ZBTB20: variants seen among roughly 807,000 people sequenced by gnomAD.
ZBTB20 encodes the protein zinc finger and BTB domain-containing protein 20.
ZBTB20 carries 9 observed loss-of-function variants against 56.9 expected under a neutral mutation model. The ratio of observed to expected loss-of-function variants is 0.16; its 90% CI spans 0.10 to 0.28. The LOEUF (loss-of-function observed/expected upper bound fraction) is 0.28. ZBTB20 is among the 10% of genes least tolerant of loss of function. ZBTB20 has a pLI of 1.00. For missense variants in ZBTB20, 655 were observed against 1,003.0 expected, an observed-to-expected ratio of 0.65 and a Z score of 4.69; for synonymous variants, 417 against 420.7, an observed-to-expected ratio of 0.99 and a Z score of 0.11.
At chr3:114,910,917 C>G (rs1232383607) in intron 3 of ZBTB20, among the ~76,000 whole-genome samples, 1 of 151,952 alleles carries the variant, frequency 6.6e-6, no homozygotes, top group Non-Finnish European at 1.5e-5. Flanking sequence ...CTATGATGTT[C>G]CCAAGTGTTG....
intron 2 of ZBTB20, among the ~76,000 whole-genome samples, chr3:115,017,219 G>A (rs556016713): frequency 1.3e-4 from 20 of 151,416 alleles, no homozygotes; most frequent in South Asian, 4.2e-4. Flanking sequence ...AGTCGCTAGC[G>A]TTCCTATACA....
intron 5 of ZBTB20, among the ~76,000 whole-genome samples, chr3:114,709,607 G>A (rs1306485110): frequency 6.6e-6 from 1 of 152,080 alleles, no homozygotes; most frequent in Non-Finnish European, 1.5e-5. Context: ...CAAATGTTCT[G>A]GAATAGGCTG....
intron 7 of ZBTB20, among the ~76,000 whole-genome samples, chr3:114,466,867 T>C (rs908080467): frequency 1.3e-5 from 2 of 152,178 alleles, no homozygotes; most frequent in African/African-American, 2.4e-5. Context: ...TAAAACACGA[T>C]GCAAATAAGT....
intron 2 of ZBTB20, among the ~76,000 whole-genome samples, chr3:115,041,193 A>G (rs899315089): frequency 6.6e-5 from 10 of 152,182 alleles, no homozygotes; most frequent in African/African-American, 2.4e-4. Context: ...ATAATAATAC[A>G]TATATGTGTA....
intron 6 of ZBTB20, among the ~76,000 whole-genome samples, chr3:114,578,791 TA>T (rs1425108885): frequency 6.6e-6 from 1 of 151,318 alleles, no homozygotes; most frequent in Non-Finnish European, 1.5e-5. Flanking sequence ...AAATAATTAC[TA>T]AAAAAAAGTA....
At chr3:114,749,675 C>T (rs952109352) in intron 5 of ZBTB20, among the ~76,000 whole-genome samples, 3 of 151,944 alleles carry the variant, frequency 2.0e-5, no homozygotes, top group Non-Finnish European at 4.4e-5. Context: ...TTCCCATTAC[C>T]AATAATGTAA....
intron 6 of ZBTB20, among the ~76,000 whole-genome samples, chr3:114,515,211 C>CT (rs2045850204): frequency 6.6e-6 from 1 of 152,164 alleles, no homozygotes; most frequent in Non-Finnish European, 1.5e-5. Context: ...TACTTTCTCA[C>CT]CCTGACTTTT....
intron 2 of ZBTB20, among the ~76,000 whole-genome samples, chr3:115,002,670 CA>C (rs1250915907): frequency 6.6e-6 from 1 of 151,478 alleles, no homozygotes; most frequent in Non-Finnish European, 1.5e-5. Flanking sequence ...GGCTAAAACT[CA>C]AAATACTGGC....
At chr3:114,622,838 A>T (rs1012984022) in intron 6 of ZBTB20, among the ~76,000 whole-genome samples, 3 of 152,228 alleles carry the variant, frequency 2.0e-5, no homozygotes, top group African/African-American at 7.2e-5. Flanking sequence ...CAGCAAGGAC[A>T]ACCAAAACAA....
At chr3:115,125,867 A>G (rs2084317459) in intron 1 of ZBTB20, among the ~76,000 whole-genome samples, 1 of 152,212 alleles carries the variant, frequency 6.6e-6, no homozygotes, top group Non-Finnish European at 1.5e-5. Context: ...TGTAGAAAAT[A>G]AAGCTAATAA....
chr3:114,380,119 T>A, intron 10 of ZBTB20, 98 bp downstream of exon 10: 1 of 1,285,568 alleles, frequency 7.8e-7, no homozygotes, highest in Non-Finnish European at 1.0e-6. Context: ...GAAGACCAAA[T>A]GCAAAGAGCT....
intron 4 of ZBTB20, among the ~76,000 whole-genome samples, chr3:114,832,333 C>T (rs2073895517): frequency 6.6e-6 from 1 of 152,016 alleles, no homozygotes; most frequent in South Asian, 2.1e-4. Context: ...CCAAAATCAC[C>T]TCATTCTTTG....
At chr3:114,977,657 T>C (rs1285724795) in intron 2 of ZBTB20, among the ~76,000 whole-genome samples, 2 of 152,046 alleles carry the variant, frequency 1.3e-5, no homozygotes. Flanking sequence ...TCAATAAAAC[T>C]CAATATAATA....
chr3:114,326,337 C>T lies in ZBTB20; in HGVS notation c.*12668G>A, dbSNP rs1402251719. ...ATCAATAAAAAAATCTATTCTTTGG[C>T]CCCAGACCTGTTAGTTTAGGTAAAT... On this transcript the variant is annotated 3_prime_UTR_variant, in exon 12 of 12. Transcript: ENST00000675478. 1 of 152,144 alleles carries T rather than the reference C, an allele frequency of 6.6e-6. No individual in the cohort carries two copies. Among genetic ancestry groups the T allele is most frequent in the East Asian group, 1.9e-4 (1 of 5,200 alleles). 9.4% of individuals were successfully genotyped at this position (152,144 alleles called of 1,614,324 possible).
intron 1 of ZBTB20, among the ~76,000 whole-genome samples, chr3:115,126,204 C>T (rs1488076683): frequency 6.6e-6 from 1 of 152,014 alleles, no homozygotes; most frequent in Non-Finnish European, 1.5e-5. Flanking sequence ...TCTGACAATA[C>T]CATATGTTAA....
intron 1 of ZBTB20, among the ~76,000 whole-genome samples, chr3:115,105,856 C>T (rs568919263): frequency 3.4e-4 from 52 of 152,268 alleles, no homozygotes; most frequent in African/African-American, 1.2e-3. Context: ...ACAGCTCCGT[C>T]GCCCAGGCTG....
chr3:114,850,500 TAAC>T (rs910018752), intron 4 of ZBTB20, among the ~76,000 whole-genome samples: 3 of 152,218 alleles, frequency 2.0e-5, no homozygotes. Context: ...TTAACCTTCA[TAAC>T]AACCTTTATT....
chr3:114,378,713 T>A (rs2722005), intron 10 of ZBTB20, among the ~76,000 whole-genome samples: 63,115 of 152,124 alleles, frequency 0.41, 13,233 homozygotes, highest in Non-Finnish European at 0.43. Context: ...AGGAACGGGC[T>A]ATTTTCCTGG....
In ZBTB20 at chr3:114,942,153, C is replaced by T. The variant is rs183445768; in HGVS notation, c.-456+32213G>A. ...TTAGTCACAGTTTAATAAATAATTT[C>T]GTTATAGCCTCCTAGTCTATCAGTA... is the stretch of plus-strand genomic sequence containing the variant. On this transcript the variant is annotated intron_variant, in intron 3 of 11. Transcript: ENST00000675478. 8.9e-5 allele frequency among the ~76,000 whole-genome samples: 13 copies of T among 145,726 alleles called. No individual in the cohort carries two copies. The East Asian group carries it at 2.3e-3, about 26-fold the overall frequency.
Sources: gnomAD v4.1 joint callset for allele counts (sites outside exome capture counted in the v4.1 genomes callset) on GRCh38, gnomAD v4.1.1 for gene constraint, MANE v1.5 for transcripts, NCBI Gene and HGNC (gene_info 2026-07-23, HGNC 2026-07-21) for gene names.